The following LOXL2 variants were observed in gnomAD, a reference collection of about 807,000 sequenced individuals.
LOXL2 encodes the protein lysyl oxidase like 2.
Under a neutral mutation model 93.0 loss-of-function variants are expected in LOXL2, and 70 were observed. The ratio of observed to expected loss-of-function variants is 0.75; its 90% CI spans 0.62 to 0.92. The LOEUF is 0.92. Among genes scored for constraint, LOXL2 ranks in the 40% least tolerant of loss-of-function variants. The pLI, the probability that LOXL2 is intolerant of heterozygous loss-of-function variation, is 0.00. For missense variants in LOXL2, 973 were observed against 1,054.9 expected (o/e 0.92, Z 1.08); for synonymous variants, 438 against 413.2 (o/e 1.06, Z -0.73).
intron 1 of LOXL2, among the ~76,000 whole-genome samples, chr8:23,380,695 T>G (rs1038258689): frequency 6.6e-6 from 1 of 151,960 alleles, no homozygotes; most frequent in Non-Finnish European, 1.5e-5. Flanking sequence ...TGAAAAAAAA[T>G]CTGGAAAACA....
intron 3 of LOXL2, among the ~76,000 whole-genome samples, chr8:23,358,215 A>G (rs1332928763): frequency 2.0e-5 from 3 of 152,226 alleles, no homozygotes; most frequent in Non-Finnish European, 4.4e-5. Flanking sequence ...CAACTCCATC[A>G]CAATCTCTCT....
At chr8:23,342,011 A>G (rs1431033274) in intron 3 of LOXL2, among the ~76,000 whole-genome samples, 1 of 152,042 alleles carries the variant, frequency 6.6e-6, no homozygotes, top group East Asian at 1.9e-4. Context: ...AGTAAAGGAC[A>G]GAGGCTGGGG....
intron 3 of LOXL2, among the ~76,000 whole-genome samples, chr8:23,353,387 GAA>G (rs146346701): frequency 0.051 from 7,826 of 152,232 alleles, 201 homozygotes; most frequent in Admixed American, 0.083. Context: ...CTCCTTTTAA[GAA>G]AGTTTTGAGG....
chr8:23,348,002 C>A (rs1429541109), intron 3 of LOXL2, among the ~76,000 whole-genome samples: 7 of 151,866 alleles, frequency 4.6e-5, no homozygotes, highest in East Asian at 1.9e-4. Context: ...GGCACATATA[C>A]CCTAGAACTT....
At chr8:23,322,098 T>C in intron 7 of LOXL2, 32 bp downstream of exon 7, 1 of 1,610,346 alleles carries the variant, frequency 6.2e-7, no homozygotes, top group Non-Finnish European at 8.5e-7. Context: ...CAGCCTCAGT[T>C]ACAGTCCCCT....
intron 10 of LOXL2, among the ~76,000 whole-genome samples, chr8:23,306,672 G>A (rs1477916510): frequency 2.6e-5 from 4 of 152,266 alleles, no homozygotes; most frequent in Non-Finnish European, 4.4e-5. Context: ...TCCCTGACCC[G>A]GAGGACTGTC....
At chr8:23,397,668 C>A (rs914117702) in intron 1 of LOXL2, among the ~76,000 whole-genome samples, 17 of 151,718 alleles carry the variant, frequency 1.1e-4, no homozygotes, top group African/African-American at 4.1e-4. Context: ...GTCCCAGCTA[C>A]TCAGGAGGCT....
chr8:23,306,980 T>C (rs1156630120), intron 10 of LOXL2, among the ~76,000 whole-genome samples: 4 of 152,200 alleles, frequency 2.6e-5, no homozygotes, highest in Admixed American at 2.6e-4. Flanking sequence ...GGGGCCAATC[T>C]TTGTGTTTCA....
chr8:23,363,513 GGAAGACCCTCCA>G lies in LOXL2; in HGVS notation c.356-3260_356-3249del, dbSNP rs1433548756. The G allele has an allele frequency of 4.6e-5, 7 of 152,296 alleles. No individual in the cohort carries two copies. In the South Asian group the frequency reaches 6.2e-4, roughly 14 times the overall value. The allele number at this position is 152,296 out of a possible 1,614,324, so 9.4% of individuals were successfully genotyped here. A position where few individuals can be genotyped will look rare whatever the true frequency, so the allele number is the denominator to read the frequency against. On this transcript the variant is annotated intron_variant, in intron 2 of 13. Transcript: ENST00000389131. Reference sequence around the variant, plus strand: ...TGTCTTGCTAAGTTACTAGCAACAGGGAAGACCCTCCATGTTCTAAGCGGAATGTTCTGTCGC... The same window carrying G: ...TGTCTTGCTAAGTTACTAGCAACAGGTGTTCTAAGCGGAATGTTCTGTCGC...
At chr8:23,391,853 T>C (rs752249851) in intron 1 of LOXL2, among the ~76,000 whole-genome samples, 2 of 152,040 alleles carry the variant, frequency 1.3e-5, no homozygotes, top group Non-Finnish European at 2.9e-5. Context: ...GGGTGAAAGA[T>C]GGTGGGAATC....
At chr8:23,329,927 A>G (rs1306657075) in intron 5 of LOXL2, among the ~76,000 whole-genome samples, 1 of 152,186 alleles carries the variant, frequency 6.6e-6, no homozygotes, top group East Asian at 1.9e-4. Context: ...GACAGCACCC[A>G]GATTTACAGA....
chr8:23,334,978 G>A (rs529508696), intron 4 of LOXL2, among the ~76,000 whole-genome samples: 1 of 151,948 alleles, frequency 6.6e-6, no homozygotes, highest in Admixed American at 6.6e-5. Context: ...CACCACATCC[G>A]GCTAATTTTG....
Position 23,298,860 on chromosome 8 carries a change from T to TG in LOXL2, c.2220dup (p.Ile741HisfsTer21). ...CCTATGTGGCAGTTGTACATCCAGA[T>TG]GCGGTGGCCGTCATAGCGGCTCCTG... On this transcript the variant is annotated frameshift_variant, in exon 13 of 14. Transcript: ENST00000389131. LOFTEE classifies it high-confidence loss of function. The TG allele has an allele frequency of 6.2e-7, 1 of 1,613,642 alleles. No individual in the cohort carries two copies. The highest frequency in any genetic ancestry group is 8.5e-7 in the Non-Finnish European group (1 of 1,179,616).
chr8:23,375,712 T>G (rs1476879244), intron 1 of LOXL2, among the ~76,000 whole-genome samples: 2 of 144,104 alleles, frequency 1.4e-5, no homozygotes, highest in Non-Finnish European at 3.0e-5. Context: ...GAAGCAATTG[T>G]GAATGGGAGT....
intron 1 of LOXL2, among the ~76,000 whole-genome samples, chr8:23,388,814 TA>T (rs978389024): frequency 6.8e-6 from 1 of 147,682 alleles, no homozygotes; most frequent in African/African-American, 2.4e-5. Flanking sequence ...TTAAGGAGGG[TA>T]GGGGAAAAAA....
intron 1 of LOXL2, among the ~76,000 whole-genome samples, chr8:23,387,204 C>T (rs111697051): frequency 9.3e-4 from 142 of 152,328 alleles, no homozygotes; most frequent in African/African-American, 3.3e-3. Flanking sequence ...TTTGACTGCA[C>T]GGCTGAGAAC....
At chr8:23,318,425 G>GCGCA (rs1491262034) in intron 8 of LOXL2, among the ~76,000 whole-genome samples, 4 of 145,850 alleles carry the variant, frequency 2.7e-5, no homozygotes, top group Admixed American at 1.4e-4. Context: ...TTGGTTGATA[G>GCGCA]CACACACACA....
chr8:23,385,948 G>A (rs199807072), intron 1 of LOXL2: 1 of 765,260 alleles, frequency 1.3e-6, no homozygotes, highest in African/African-American at 1.7e-5. Flanking sequence ...GCAGCACATT[G>A]CAAGTGTTTG....
chr8:23,306,295 C>T (rs981511319), intron 10 of LOXL2, among the ~76,000 whole-genome samples: 8 of 152,308 alleles, frequency 5.3e-5, no homozygotes, highest in African/African-American at 1.7e-4. Context: ...AGAGGAGATG[C>T]TTGCACTCTA....
Sources: gnomAD v4.1 joint callset for allele counts (sites outside exome capture counted in the v4.1 genomes callset) on GRCh38, gnomAD v4.1.1 for gene constraint, MANE v1.5 for transcripts, NCBI Gene and HGNC (gene_info 2026-07-23, HGNC 2026-07-21) for gene names.